RAPH1: variants seen among roughly 807,000 people sequenced by gnomAD.
RAPH1 encodes the protein Ras association (RalGDS/AF-6) and pleckstrin homology domains 1.
RAPH1 carries 18 observed loss-of-function variants against 88.1 expected under a neutral mutation model. The ratio of observed to expected loss-of-function variants is 0.20; its 90% CI spans 0.14 to 0.30. The LOEUF (loss-of-function observed/expected upper bound fraction) is 0.30. RAPH1 is among the 10% of genes least tolerant of loss of function. RAPH1 has a pLI of 1.00. For missense variants in RAPH1, 1,448 were observed against 1,543.2 expected, an observed-to-expected ratio of 0.94 and a Z score of 1.03; for synonymous variants, 587 against 559.0, an observed-to-expected ratio of 1.05 and a Z score of -0.71.
chr2:203,439,630 CG>C lies in RAPH1; in HGVS notation c.3559del (p.Arg1187AlafsTer73). On this transcript the variant is annotated frameshift_variant, in exon 14 of 14. Transcript: ENST00000319170. LOFTEE classifies it high-confidence loss of function. ...SITRHGSLSSRMSRAEPTATM... is the reference protein window; with the variant it reads ...SITRHGSLSSXMSRAEPTATM... ...GGCTGTTGGTTCTGCTCTGGACATG[CG>C]GGAGGAGAGTGAGCCGTGCCGAGTG... The C allele has an allele frequency of 6.2e-7, 1 of 1,614,010 alleles. No individual in the cohort carries two copies. Among genetic ancestry groups the C allele is most frequent in the Non-Finnish European group, 8.5e-7 (1 of 1,180,004 alleles).
chr2:203,527,540 T>C (rs1213306135), intron 1 of RAPH1, among the ~76,000 whole-genome samples: 1 of 152,120 alleles, frequency 6.6e-6, no homozygotes. Context: ...AGCTCATGCC[T>C]GTAACCCCAG....
intron 1 of RAPH1, among the ~76,000 whole-genome samples, chr2:203,496,916 A>G (rs1688542802): frequency 6.6e-6 from 1 of 152,210 alleles, no homozygotes; most frequent in East Asian, 1.9e-4. Flanking sequence ...GGTTTAAGCA[A>G]TTCCTCCAAG....
chr2:203,515,005 C>A (rs562758319), intron 1 of RAPH1, among the ~76,000 whole-genome samples: 2 of 152,248 alleles, frequency 1.3e-5, no homozygotes, highest in South Asian at 4.1e-4. Context: ...GTTTTGCATT[C>A]CCAATCTCTC....
chr2:203,529,254 A>T (rs1690277727), intron 1 of RAPH1, among the ~76,000 whole-genome samples: 1 of 151,968 alleles, frequency 6.6e-6, no homozygotes, highest in Non-Finnish European at 1.5e-5. Context: ...GATTATAGGC[A>T]TGAGCCACCG....
intron 1 of RAPH1, among the ~76,000 whole-genome samples, chr2:203,519,140 G>C (rs914361864): frequency 2.0e-5 from 3 of 152,100 alleles, no homozygotes; most frequent in Non-Finnish European, 2.9e-5. Context: ...ATAATACATA[G>C]TAACTCATGA....
Position 203,467,380 on chromosome 2 carries a change from C to T in RAPH1, c.733-5455G>A, listed in dbSNP as rs546079830. Among the ~76,000 whole-genome samples the T allele has an allele frequency of 1.4e-3, 217 of 151,890 alleles. 1 individual carries two copies. Among genetic ancestry groups the T allele is most frequent in the Middle Eastern group, 3.4e-3 (1 of 294 alleles). On this transcript the variant is annotated intron_variant, in intron 4 of 13. Coordinates refer to ENST00000319170, the MANE Select transcript of RAPH1 (RefSeq NM_213589.3). ...CTGAGGCGGGCAGATCACCTGAGGT[C>T]AGGAGTTCAGGACCAGCCTAGCCAT...
chr2:203,503,380 C>A (rs757208848), intron 1 of RAPH1, among the ~76,000 whole-genome samples: 1 of 152,108 alleles, frequency 6.6e-6, no homozygotes, highest in Non-Finnish European at 1.5e-5. Flanking sequence ...GGGAGGGCCT[C>A]AGAATCATGG....
In RAPH1 at chr2:203,439,533, T is replaced by C. The variant is rs2098501321; in HGVS notation, c.3657A>G (p.Gly1219=). 2 of 1,614,022 alleles carry C rather than the reference T, an allele frequency of 1.2e-6. No individual in the cohort carries two copies. Among genetic ancestry groups the C allele is most frequent in the African/African-American group, 1.3e-5 (1 of 74,912 alleles). Residue 1219 remains glycine (G), a synonymous_variant, in exon 14 of 14, where the codon GGA becomes GGG. Coordinates refer to ENST00000319170, the MANE Select transcript of RAPH1 (RefSeq NM_213589.3). ...TTGCATAGCCTGATATATGACTGCCTCCGTAACCAGCCTTCTGTTGATCAG... is the reference window on the plus strand; with the variant it reads ...TTGCATAGCCTGATATATGACTGCCCCCGTAACCAGCCTTCTGTTGATCAG... ...LLSDQQKAGY[G]GSHISGYATL... is the part of the protein sequence containing the mutation.
At chr2:203,521,130 T>C (rs1289480621) in intron 1 of RAPH1, among the ~76,000 whole-genome samples, 3 of 152,222 alleles carry the variant, frequency 2.0e-5, no homozygotes, top group Non-Finnish European at 1.5e-5. Flanking sequence ...CTTGGCTCAC[T>C]GTAACCTCTG....
chr2:203,439,294 G>A lies in RAPH1; in HGVS notation c.*143C>T. 1 of 694,130 alleles carries A rather than the reference G, an allele frequency of 1.4e-6. No homozygotes were observed. The highest frequency in any genetic ancestry group is 2.5e-6 in the Non-Finnish European group (1 of 407,196). 43.0% of individuals were successfully genotyped at this position (694,130 alleles called of 1,614,324 possible). On this transcript the variant is annotated 3_prime_UTR_variant, in exon 14 of 14. Transcript: ENST00000319170. ...TGTACAGCTGTGTGTACATGCACGTGTACACACACACATACACATATAGCT... is the reference window on the plus strand; with the variant it reads ...TGTACAGCTGTGTGTACATGCACGTATACACACACACATACACATATAGCT...
Position 203,473,548 on chromosome 2 carries a change from A to G in RAPH1, c.733-11623T>C, listed in dbSNP as rs371378680. Among the ~76,000 whole-genome samples, 15 of 152,250 alleles carry G rather than the reference A, an allele frequency of 9.9e-5. No homozygotes were observed. In the East Asian group the frequency reaches 1.4e-3, roughly 14 times the overall value. On this transcript the variant is annotated intron_variant, in intron 4 of 13. Coordinates refer to ENST00000319170, the MANE Select transcript of RAPH1 (RefSeq NM_213589.3). ...TGGTTTTGGTTCAGAAACAAGTTGT[A>G]TATTTTTCACCCTTGATTACAGGGG...
chr2:203,440,442 GAA>G lies in RAPH1; in HGVS notation c.2746_2747del (p.Phe916ProfsTer6). On this transcript the variant is annotated frameshift_variant, in exon 14 of 14. Coordinates refer to ENST00000319170, the MANE Select transcript of RAPH1 (RefSeq NM_213589.3). LOFTEE classifies it high-confidence loss of function. The stretch of plus-strand genomic sequence containing the variant: ...GGCTGCTTTCAGGAGGGGGAGGAGG[GAA>G]GTCCGGAGAAGGGACTGGGATGGAG... ...PSSIPVPSPD[F>X]PPPPPESSLV... 1 of 1,544,124 alleles carries G rather than the reference GAA, an allele frequency of 6.5e-7. No individual in the cohort carries two copies. Among genetic ancestry groups the G allele is most frequent in the Non-Finnish European group, 8.7e-7 (1 of 1,146,818 alleles).
At chr2:203,499,803 C>T (rs1444262836) in intron 1 of RAPH1, among the ~76,000 whole-genome samples, 1 of 152,178 alleles carries the variant, frequency 6.6e-6, no homozygotes, top group African/African-American at 2.4e-5. Flanking sequence ...ACTCTAAAAC[C>T]ACTCTCCATT....
chr2:203,491,632 C>A (rs776613384), intron 2 of RAPH1, among the ~76,000 whole-genome samples: 1 of 152,004 alleles, frequency 6.6e-6, no homozygotes, highest in East Asian at 1.9e-4. Flanking sequence ...GGGATCCTCC[C>A]GAGTAGTTGG....
intron 2 of RAPH1, among the ~76,000 whole-genome samples, chr2:203,492,352 A>G (rs1293241882): frequency 1.3e-5 from 2 of 152,180 alleles, no homozygotes; most frequent in Non-Finnish European, 2.9e-5. Context: ...AAGATAACGG[A>G]CAGTTCTGGA....
At chr2:203,463,448 T>C (rs1408921747) in intron 4 of RAPH1, among the ~76,000 whole-genome samples, 1 of 152,246 alleles carries the variant, frequency 6.6e-6, no homozygotes, top group Non-Finnish European at 1.5e-5. Context: ...TATGAACTAC[T>C]TTTCTATTTT....
chr2:203,467,986 T>C (rs184488922), intron 4 of RAPH1, among the ~76,000 whole-genome samples: 23 of 152,092 alleles, frequency 1.5e-4, no homozygotes, highest in African/African-American at 5.3e-4. Context: ...GGCAGGCTGG[T>C]CTTGAACTCC....
intron 12 of RAPH1, 145 bp downstream of exon 12, chr2:203,447,813 TA>T (rs2098511311): frequency 2.7e-6 from 2 of 743,614 alleles, no homozygotes; most frequent in Non-Finnish European, 4.2e-6. Context: ...TAGCAATTTT[TA>T]AAAAGGCATC....
At chr2:203,504,034 G>T (rs911595178) in intron 1 of RAPH1, among the ~76,000 whole-genome samples, 6 of 152,182 alleles carry the variant, frequency 3.9e-5, no homozygotes, top group African/African-American at 1.4e-4. Context: ...CTCCCTCCTG[G>T]CTGCTTTCAC....
Sources: allele counts gnomAD v4.1 joint callset (sites outside exome capture counted in the v4.1 genomes callset), GRCh38; gene constraint gnomAD v4.1.1; transcripts MANE v1.5; gene names NCBI Gene and HGNC (gene_info 2026-07-23, HGNC 2026-07-21).